Variants in MTUS1 observed in about 807,000 individuals in gnomAD.
MTUS1 encodes microtubule associated scaffold protein 1.
MTUS1 carries 109 observed loss-of-function variants against 120.8 expected under a neutral mutation model. The ratio of observed to expected loss-of-function variants is 0.90; its 90% CI spans 0.77 to 1.06. The LOEUF is 1.06. Ranked by LOEUF, MTUS1 falls within the 50% of genes least tolerant of loss-of-function variation. The pLI, the probability that MTUS1 is intolerant of heterozygous loss-of-function variation, is 0.00. For missense variants in MTUS1, 2,210 were observed against 1,486.3 expected, an observed-to-expected ratio of 1.49 and a Z score of -8.01; for synonymous variants, 737 against 550.5, an observed-to-expected ratio of 1.34 and a Z score of -4.74.
At position 17,645,684 on chromosome 8, in the gene MTUS1, C is replaced by T. The variant is rs941128868; in HGVS notation, c.*242G>A. 1.3e-5 allele frequency: 6 copies of T among 459,820 alleles called. No individual in the cohort carries two copies. Among genetic ancestry groups the T allele is most frequent in the African/African-American group, 6.0e-5 (3 of 50,174 alleles). The allele number at this position is 459,820 out of a possible 1,614,324, so 28.5% of individuals were successfully genotyped here. A position where few individuals can be genotyped will look rare whatever the true frequency, so the allele number is the denominator to read the frequency against. Reference sequence around the variant, plus strand: ...TTTAAGTGCTTTGTGCAACAACGTCCGTGTCGATGCCGAAATCTTTTTTTA... The same window carrying T: ...TTTAAGTGCTTTGTGCAACAACGTCTGTGTCGATGCCGAAATCTTTTTTTA... On this transcript the variant is annotated 3_prime_UTR_variant, in exon 15 of 15. Transcript: ENST00000693296.
chr8:17,668,978 C>G (rs1292278811), intron 8 of MTUS1, among the ~76,000 whole-genome samples: 6 of 152,196 alleles, frequency 3.9e-5, no homozygotes, highest in Non-Finnish European at 7.3e-5. Context: ...AACTACCTTT[C>G]CCTAGCTACC....
intron 8 of MTUS1, among the ~76,000 whole-genome samples, chr8:17,665,041 T>C (rs1412846882): frequency 2.0e-5 from 3 of 152,198 alleles, no homozygotes; most frequent in Admixed American, 6.5e-5. Flanking sequence ...AGATTGGTGA[T>C]AGTAAAGTGA....
rs1228094074 is a variant in MTUS1 at position 17,644,383 on chromosome 8, T to TAC, written c.*1541_*1542dup. 6.6e-6 allele frequency: 1 copy of TAC among 152,666 alleles called. No homozygotes were observed. Among genetic ancestry groups the TAC allele is most frequent in the Admixed American group, 6.5e-5 (1 of 15,284 alleles). The allele number at this position is 152,666 out of a possible 1,614,324, so 9.5% of individuals were successfully genotyped here. ...CTCTTCTTACTACAGCTGTTATTTG[T>TAC]ACAGCCACTGAATGTAGATTAGTAA... On this transcript the variant is annotated 3_prime_UTR_variant, in exon 15 of 15. Transcript: ENST00000693296.
intron 1 of MTUS1, among the ~76,000 whole-genome samples, chr8:17,792,306 C>T (rs1322895580): frequency 2.0e-5 from 3 of 152,164 alleles, no homozygotes; most frequent in Non-Finnish European, 2.9e-5. Flanking sequence ...CAAAACAACT[C>T]ACACCATATA....
In MTUS1 at chr8:17,753,737, C is replaced by G. The variant is rs763982090; in HGVS notation, c.2071G>C (p.Glu691Gln). Residue 691 changes from glutamate to glutamine, a missense_variant, in exon 2 of 15, where the codon GAA (glutamate) becomes CAA (glutamine). Physicochemically the swap from Glu to Gln is conservative, Grantham distance 29. Coordinates refer to ENST00000693296, the MANE Select transcript of MTUS1 (RefSeq NM_001363059.2). Reference sequence around the variant, plus strand: ...CTTACCAAAAACAGAGAACCATATTCAAAAGTCTCATTCATAATCTCTTGT... The same window carrying G: ...CTTACCAAAAACAGAGAACCATATTGAAAAGTCTCATTCATAATCTCTTGT... The part of the protein sequence containing the change: ...LKQEIMNETF[E>Q]YGSLFLGSAS... 1.2e-6 allele frequency: 2 copies of G among 1,603,894 alleles called. No individual in the cohort carries two copies. Among genetic ancestry groups the G allele is most frequent in the African/African-American group, 1.3e-5 (1 of 74,120 alleles).
intron 3 of MTUS1, chr8:17,724,177 T>C (rs1287846989): frequency 1.3e-5 from 6 of 461,296 alleles, no homozygotes; most frequent in Non-Finnish European, 2.5e-5. Context: ...AATAAAAAAA[T>C]AAACAAATTG....
intron 1 of MTUS1, among the ~76,000 whole-genome samples, chr8:17,764,643 C>T (rs1046100967): frequency 2.0e-5 from 3 of 152,198 alleles, no homozygotes; most frequent in East Asian, 1.9e-4. Context: ...ACAGGATGTG[C>T]GGTCTGTGCT....
chr8:17,784,780 C>G (rs1217427417), intron 1 of MTUS1, among the ~76,000 whole-genome samples: 2 of 121,806 alleles, frequency 1.6e-5, no homozygotes, highest in East Asian at 2.3e-4. Context: ...CTTTTTATAA[C>G]AAGAAGAACT....
intron 10 of MTUS1, 43 bp downstream of exon 10, chr8:17,654,518 T>C (rs1327157204): frequency 7.8e-7 from 1 of 1,275,570 alleles, no homozygotes; most frequent in South Asian, 1.2e-5. Context: ...ATGTGGTTCC[T>C]TCAGATTTTA....
chr8:17,699,218 GTTT>G (rs940331267), intron 6 of MTUS1, among the ~76,000 whole-genome samples: 1 of 151,892 alleles, frequency 6.6e-6, no homozygotes, highest in African/African-American at 2.4e-5. Context: ...TTTTTTGTTT[GTTT>G]TTGTTTGTTT....
At chr8:17,717,292 A>C (rs571574146) in intron 4 of MTUS1, among the ~76,000 whole-genome samples, 25 of 152,120 alleles carry the variant, frequency 1.6e-4, no homozygotes, top group Non-Finnish European at 3.4e-4. Flanking sequence ...GAACCTAGAG[A>C]CTTGGCTTTT....
chr8:17,788,059 T>C (rs28572689), intron 1 of MTUS1, among the ~76,000 whole-genome samples: 4,041 of 152,126 alleles, frequency 0.027, 192 homozygotes, highest in African/African-American at 0.093. Flanking sequence ...AGGCAGAGGT[T>C]GCAGTGAGCC....
At chr8:17,774,833 G>A (rs368805077) in intron 1 of MTUS1, among the ~76,000 whole-genome samples, 2 of 152,012 alleles carry the variant, frequency 1.3e-5, no homozygotes, top group Non-Finnish European at 2.9e-5. Flanking sequence ...ACCATCAAAG[G>A]TGTCAGTGGC....
At chr8:17,761,268 G>C (rs376901015) in intron 1 of MTUS1, among the ~76,000 whole-genome samples, 1 of 152,100 alleles carries the variant, frequency 6.6e-6, no homozygotes, top group African/African-American at 2.4e-5. Flanking sequence ...AAAAGTGATT[G>C]TTTATTCCCC....
intron 1 of MTUS1, among the ~76,000 whole-genome samples, chr8:17,775,334 A>T (rs1355651671): frequency 6.6e-6 from 1 of 152,264 alleles, no homozygotes; most frequent in African/African-American, 2.4e-5. Context: ...ACCTTTGGAT[A>T]CCTCAACCTT....
chr8:17,782,626 C>T (rs1396686461), intron 1 of MTUS1, among the ~76,000 whole-genome samples: 1 of 152,196 alleles, frequency 6.6e-6, no homozygotes, highest in Non-Finnish European at 1.5e-5. Context: ...TCATATCACA[C>T]CTTTCCTCCA....
intron 1 of MTUS1, among the ~76,000 whole-genome samples, chr8:17,761,426 C>G (rs1434491191): frequency 6.6e-6 from 1 of 152,158 alleles, no homozygotes; most frequent in Admixed American, 6.5e-5. Context: ...CCAATTCAAA[C>G]TTCATTTTAC....
chr8:17,658,198 A>T (rs1477191744), intron 8 of MTUS1, among the ~76,000 whole-genome samples: 1 of 152,094 alleles, frequency 6.6e-6, no homozygotes, highest in Non-Finnish European at 1.5e-5. Flanking sequence ...CACCACGACC[A>T]GCTAATTTTT....
chr8:17,684,349 C>T lies in MTUS1; in HGVS notation c.2817G>A (p.Val939=). The T allele has an allele frequency of 6.2e-7, 1 of 1,614,062 alleles. No individual in the cohort carries two copies. The highest frequency in any genetic ancestry group is 8.5e-7 in the Non-Finnish European group (1 of 1,179,918). The change falls in exon 7 of 15, where the codon GTG becomes GTA. Residue 939 remains valine (V), a synonymous_variant. Coordinates refer to ENST00000693296, the MANE Select transcript of MTUS1 (RefSeq NM_001363059.2). The part of the protein sequence containing the change: ...GNTKFEALTV[V]IQHLLSEREE... ...TTACCTCAGACAGCAGGTGCTGAAT[C>T]ACAACTGTCAATGCCTCAAACTTGG...
Sources: allele counts gnomAD v4.1 joint callset (sites outside exome capture counted in the v4.1 genomes callset), GRCh38; gene constraint gnomAD v4.1.1; transcripts MANE v1.5; gene names NCBI Gene and HGNC (gene_info 2026-07-23, HGNC 2026-07-21).